CDH2: variants seen among roughly 807,000 people sequenced by gnomAD.
CDH2 encodes cadherin-2.
Under a neutral mutation model 92.0 loss-of-function variants are expected in CDH2, and 17 were observed. That is an observed-to-expected ratio of 0.18 (90% CI 0.13 to 0.28). CDH2 has a LOEUF of 0.28. Among genes scored for constraint, CDH2 ranks in the 10% least tolerant of loss-of-function variants. The probability of loss-of-function intolerance (pLI) is 1.00; values close to 1 mark genes in which losing one functional copy is unlikely to be tolerated. For synonymous variants in CDH2, 419 were observed against 415.9 expected (o/e 1.01, Z -0.09); for missense variants, 862 against 1,133.1 (o/e 0.76, Z 3.44).
chr18:28,120,408 G>T (rs12965136), intron 2 of CDH2, among the ~76,000 whole-genome samples: 1 of 151,872 alleles, frequency 6.6e-6, no homozygotes, highest in African/African-American at 2.4e-5. Context: ...CTGAGAACTT[G>T]ACTAAAGAAA....
chr18:28,082,972 A>G (rs1567991508), intron 2 of CDH2, among the ~76,000 whole-genome samples: 1 of 152,190 alleles, frequency 6.6e-6, no homozygotes, highest in Non-Finnish European at 1.5e-5. Context: ...AGAGTTTAAA[A>G]ATACCTTTTG....
chr18:28,174,279 T>C (rs2016505527), intron 1 of CDH2, among the ~76,000 whole-genome samples: 1 of 152,124 alleles, frequency 6.6e-6, no homozygotes, highest in South Asian at 2.1e-4. Context: ...AGACTGTTAA[T>C]AGCAGCTGAC....
intron 2 of CDH2, among the ~76,000 whole-genome samples, chr18:28,061,626 A>G (rs1219208226): frequency 1.3e-5 from 2 of 152,160 alleles, no homozygotes; most frequent in African/African-American, 4.8e-5. Flanking sequence ...CCAAAAGCAA[A>G]CAAATACTTT....
At chr18:28,082,729 G>C (rs2014855240) in intron 2 of CDH2, among the ~76,000 whole-genome samples, 1 of 152,144 alleles carries the variant, frequency 6.6e-6, no homozygotes, top group South Asian at 2.1e-4. Context: ...AACTTGAGAT[G>C]TGGTTTCTTG....
At chr18:27,965,458 T>C (rs1182415616) in intron 14 of CDH2, among the ~76,000 whole-genome samples, 1 of 152,210 alleles carries the variant, frequency 6.6e-6, no homozygotes, top group East Asian at 1.9e-4. Context: ...CTGAACCATC[T>C]ATGGGCTGGC....
At chr18:27,988,695 T>C (rs772609942) in intron 10 of CDH2, 29 bp from the exon 11 acceptor site, 1 of 1,522,916 alleles carries the variant, frequency 6.6e-7, no homozygotes, top group Non-Finnish European at 9.0e-7. Flanking sequence ...GTTTAATTTC[T>C]TTTTATGAAA....
intron 2 of CDH2, among the ~76,000 whole-genome samples, chr18:28,116,571 T>C (rs2015499641): frequency 6.6e-6 from 1 of 152,162 alleles, no homozygotes. Context: ...GGAGAGTGAA[T>C]GACCATGGAT....
intron 2 of CDH2, chr18:28,097,377 A>ATT (rs1567997313): frequency 1.0e-3 from 93 of 93,038 alleles, no homozygotes; most frequent in African/African-American, 2.2e-3. Flanking sequence ...TTTTTTTAAA[A>ATT]AAAAAAAAAA....
At chr18:28,127,186 A>C (rs1238296589) in intron 2 of CDH2, among the ~76,000 whole-genome samples, 1 of 152,200 alleles carries the variant, frequency 6.6e-6, no homozygotes, top group Admixed American at 6.5e-5. Context: ...TATTTATGAA[A>C]TCACTTTCTT....
chr18:28,102,037 A>C (rs2015235295), intron 2 of CDH2, among the ~76,000 whole-genome samples: 1 of 152,092 alleles, frequency 6.6e-6, no homozygotes, highest in Admixed American at 6.6e-5. Flanking sequence ...CCTATTTCCC[A>C]CAGCCACCCA....
At chr18:27,959,852 C>G (rs1206587024) in intron 15 of CDH2, among the ~76,000 whole-genome samples, 2 of 151,952 alleles carry the variant, frequency 1.3e-5, no homozygotes, top group Admixed American at 6.6e-5. Flanking sequence ...TAATTATATT[C>G]GAATTCATGG....
chr18:28,119,842 C>T (rs2015557557), intron 2 of CDH2, among the ~76,000 whole-genome samples: 3 of 151,898 alleles, frequency 2.0e-5, no homozygotes, highest in Admixed American at 6.6e-5. Flanking sequence ...CCAGGTCATG[C>T]GTTTAAAAAG....
intron 2 of CDH2, among the ~76,000 whole-genome samples, chr18:28,044,255 C>T (rs892647456): frequency 6.6e-6 from 1 of 152,102 alleles, no homozygotes; most frequent in Non-Finnish European, 1.5e-5. Flanking sequence ...AGACAAGAAC[C>T]AGTTGGCAGC....
chr18:28,112,157 A>C (rs536981461), intron 2 of CDH2, among the ~76,000 whole-genome samples: 2 of 152,342 alleles, frequency 1.3e-5, no homozygotes, highest in East Asian at 3.9e-4. Context: ...CAGCAGATAG[A>C]GCATGAATCA....
chr18:28,176,852 C>A, intron 1 of CDH2, 111 bp downstream of exon 1: 1 of 452,928 alleles, frequency 2.2e-6, no homozygotes, highest in Non-Finnish European at 2.9e-6. Context: ...CGGCGTGGCA[C>A]CTCCCTTCCC....
rs756638795 is a variant in CDH2, at chr18:28,013,801, G to A, written c.281C>T (p.Pro94Leu). ...DGMVYAVRSFPLSSEHAKFLI... is the reference protein window; with the variant it reads ...DGMVYAVRSFLLSSEHAKFLI... ...GAACTTGGCATGCTCAGAAGAGAGTGGAAAGCTTCTCACGGCATACACCAT... is the reference window on the plus strand; with the variant it reads ...GAACTTGGCATGCTCAGAAGAGAGTAGAAAGCTTCTCACGGCATACACCAT... Residue 94 changes from proline to leucine, a missense_variant, in exon 3 of 16, where the codon CCA (proline) becomes CTA (leucine). Pro to Leu is a moderately conservative substitution (Grantham distance 98). Transcript: ENST00000269141. 7 of 1,613,936 alleles carry A rather than the reference G, an allele frequency of 4.3e-6. No homozygotes were observed. The highest frequency in any genetic ancestry group is 2.2e-5 in the South Asian group (2 of 91,070).
At chr18:28,016,427 C>T (rs1183193440) in intron 2 of CDH2, among the ~76,000 whole-genome samples, 1 of 152,040 alleles carries the variant, frequency 6.6e-6, no homozygotes, top group African/African-American at 2.4e-5. Flanking sequence ...ATAGTAACAT[C>T]TAGCAACACA....
At chr18:28,113,256 A>G (rs1422398139) in intron 2 of CDH2, among the ~76,000 whole-genome samples, 1 of 152,176 alleles carries the variant, frequency 6.6e-6, no homozygotes, top group African/African-American at 2.4e-5. Flanking sequence ...CAATATATCC[A>G]AAATATTATC....
intron 2 of CDH2, among the ~76,000 whole-genome samples, chr18:28,118,802 C>T (rs899826116): frequency 6.6e-6 from 1 of 151,926 alleles, no homozygotes; most frequent in African/African-American, 2.4e-5. Context: ...TCTAAAAAGT[C>T]CCCAAATTAC....
Sources: gnomAD v4.1 joint callset for allele counts (sites outside exome capture counted in the v4.1 genomes callset) on GRCh38, gnomAD v4.1.1 for gene constraint, MANE v1.5 for transcripts, NCBI Gene and HGNC (gene_info 2026-07-23, HGNC 2026-07-21) for gene names.